LRP8: variants seen among roughly 807,000 people sequenced by gnomAD.
LRP8 encodes LDL receptor related protein 8.
LRP8 carries 46 observed loss-of-function variants against 111.6 expected under a neutral mutation model. The ratio of observed to expected loss-of-function variants is 0.41; its 90% confidence interval spans 0.33 to 0.53. The LOEUF is 0.53. Ranked by LOEUF, LRP8 falls within the 20% of genes least tolerant of loss-of-function variation. The pLI is 0.20. For synonymous variants in LRP8, 464 were observed against 511.2 expected, an observed-to-expected ratio of 0.91 and a Z score of 1.24; for missense variants, 959 against 1,297.4, an observed-to-expected ratio of 0.74 and a Z score of 4.01.
chr1:53,253,870 C>G (rs1645980931), intron 16 of LRP8, among the ~76,000 whole-genome samples: 1 of 152,194 alleles, frequency 6.6e-6, no homozygotes, highest in Non-Finnish European at 1.5e-5. Context: ...CAACATGCCC[C>G]TATCATAGCA....
chr1:53,269,058 G>C (rs900234922), intron 8 of LRP8, among the ~76,000 whole-genome samples: 11 of 152,186 alleles, frequency 7.2e-5, no homozygotes, highest in Non-Finnish European at 8.8e-5. Flanking sequence ...CCCCCAGTTA[G>C]AGTGAAATCC....
intron 15 of LRP8, among the ~76,000 whole-genome samples, chr1:53,256,312 CTG>C (rs1646085367): frequency 6.6e-6 from 1 of 152,242 alleles, no homozygotes; most frequent in Non-Finnish European, 1.5e-5. Context: ...CCAGAGCTAA[CTG>C]TGTCCTCCCT....
chr1:53,314,066 G>A (rs745483522), intron 2 of LRP8, among the ~76,000 whole-genome samples: 9 of 152,160 alleles, frequency 5.9e-5, no homozygotes, highest in Non-Finnish European at 1.2e-4. Context: ...GGAAGGAAGA[G>A]AGGGGTTGTG....
At position 53,323,393 on chromosome 1, in the gene LRP8, G is replaced by A. The variant is rs556653931; in HGVS notation, c.244+3480C>T. Among the ~76,000 whole-genome samples, 15 of 152,382 alleles carry A rather than the reference G, an allele frequency of 9.8e-5. No individual in the cohort carries two copies. The East Asian group carries it at 2.5e-3, about 25-fold the overall frequency. ...AAGTGCCCAGACAGCGTTCATCGGC[G>A]CTATGGTTACTGTTGTGACTCTGGG... On this transcript the variant is annotated intron_variant, in intron 2 of 18. Coordinates refer to ENST00000306052, the MANE Select transcript of LRP8 (RefSeq NM_004631.5).
In LRP8 at chr1:53,271,246, C is replaced by T; in HGVS notation, c.1107G>A (p.Leu369=). 6.2e-7 allele frequency: 1 copy of T among 1,613,904 alleles called. No homozygotes were observed. The highest frequency in any genetic ancestry group is 8.5e-7 in the Non-Finnish European group (1 of 1,180,004). Residue 369 remains leucine (L), a synonymous_variant, in exon 7 of 19, where the codon CTG becomes CTA. Transcript: ENST00000306052. ...ECTCPAGFQL[L]DQKTCGDIDE... ...TCTCACCGCCACAGGTCTTCTGGTC[C>T]AGGAGCTGGAAGCCTGCTGGGCACG...
chr1:53,288,592 A>T (rs1366603658), intron 3 of LRP8, among the ~76,000 whole-genome samples: 3 of 151,888 alleles, frequency 2.0e-5, no homozygotes, highest in African/African-American at 7.3e-5. Context: ...TGTTGCTAGG[A>T]GACAAGGAAA....
chr1:53,305,857 G>A (rs909589245), intron 2 of LRP8: 13 of 152,466 alleles, frequency 8.5e-5, no homozygotes, highest in East Asian at 1.9e-4. Context: ...CAGGAGAGGC[G>A]CTGAGGAGGA....
intron 2 of LRP8, among the ~76,000 whole-genome samples, chr1:53,299,004 G>A (rs1650288640): frequency 6.6e-6 from 1 of 152,242 alleles, no homozygotes; most frequent in South Asian, 2.1e-4. Context: ...ACTGTAAGTG[G>A]GAAGCTCAGG....
intron 2 of LRP8, among the ~76,000 whole-genome samples, chr1:53,323,543 C>T (rs890422419): frequency 3.3e-5 from 5 of 152,264 alleles, no homozygotes; most frequent in African/African-American, 4.8e-5. Flanking sequence ...GAATCCCACC[C>T]GACTTCCCCT....
intron 2 of LRP8, among the ~76,000 whole-genome samples, chr1:53,319,456 C>T (rs1047190394): frequency 1.3e-5 from 2 of 152,158 alleles, no homozygotes; most frequent in Non-Finnish European, 2.9e-5. Flanking sequence ...GCCCCACAGC[C>T]CTGGGCTCGC....
Position 53,317,466 on chromosome 1 carries a change from C to T in LRP8, c.244+9407G>A, listed in dbSNP as rs553012185. ...GATGAGATGGCTCCGACAGTCCCTCCCAGCCCGAGGAGCTGCTGTTCTCTC... is the reference window on the plus strand; with the variant it reads ...GATGAGATGGCTCCGACAGTCCCTCTCAGCCCGAGGAGCTGCTGTTCTCTC... On this transcript the variant is annotated intron_variant, in intron 2 of 18. Transcript: ENST00000306052. This position sits in a 1 kb window ranked among gnomAD's most constrained non-coding sequence, Gnocchi z 4.9. Among the ~76,000 whole-genome samples the T allele has an allele frequency of 6.6e-6, 1 of 152,340 alleles. No individual in the cohort carries two copies. Among genetic ancestry groups the T allele is most frequent in the Non-Finnish European group, 1.5e-5 (1 of 68,040 alleles).
intron 2 of LRP8, among the ~76,000 whole-genome samples, chr1:53,290,619 C>T (rs1031134198): frequency 6.6e-6 from 1 of 152,166 alleles, no homozygotes; most frequent in Non-Finnish European, 1.5e-5. Flanking sequence ...CCATCCCCAG[C>T]CCGGTTCTTT....
At position 53,249,361 on chromosome 1, in the gene LRP8, T is replaced by TA. The variant is rs766383363; in HGVS notation, c.2853+18dup. The TA allele has an allele frequency of 6.2e-7, 1 of 1,611,938 alleles. No individual in the cohort carries two copies. Among genetic ancestry groups the TA allele is most frequent in the Non-Finnish European group, 8.5e-7 (1 of 1,178,760 alleles). ...CCCTCACTCACCAGCCCCTCAGACT[T>TA]AGAGTGGCACTGCCCTACCTTGGAT... is the stretch of plus-strand genomic sequence containing the variant. On this transcript the variant is annotated intron_variant, in intron 18 of 18. Transcript: ENST00000306052. This position sits in a 1 kb window ranked among gnomAD's most constrained non-coding sequence, Gnocchi z 4.1.
intron 2 of LRP8, among the ~76,000 whole-genome samples, chr1:53,296,526 C>T (rs1013540316): frequency 5.3e-5 from 8 of 152,222 alleles, no homozygotes; most frequent in Non-Finnish European, 1.0e-4. Context: ...CGACAGAGCT[C>T]GCCATGCCCC....
At chr1:53,247,709 A>G (rs371681818) in intron 18 of LRP8, among the ~76,000 whole-genome samples, 2 of 152,314 alleles carry the variant, frequency 1.3e-5, no homozygotes, top group East Asian at 1.9e-4. Context: ...TCTTTCCTAT[A>G]TTAATGTGAA....
rs904974389 is a variant in LRP8, at chr1:53,279,194, C to T, written c.496+1393G>A. 1.2e-4 allele frequency among the ~76,000 whole-genome samples: 18 copies of T among 152,234 alleles called. No homozygotes were observed. The highest frequency in any genetic ancestry group is 2.6e-4 in the Non-Finnish European group (18 of 68,018). On this transcript the variant is annotated intron_variant, in intron 4 of 18. Transcript: ENST00000306052. This position sits in a 1 kb window ranked among gnomAD's most constrained non-coding sequence, Gnocchi z 4.4. ...CCTACGTAGGCCGAGAGACCCTACT[C>T]CTAGCACTCACAAACGGAAGAAGCT...
intron 2 of LRP8, among the ~76,000 whole-genome samples, chr1:53,316,069 G>C (rs1653756335): frequency 6.6e-6 from 1 of 152,198 alleles, no homozygotes; most frequent in Admixed American, 6.5e-5. Context: ...GAACCGACTG[G>C]CTCATGGAAC....
At chr1:53,304,583 T>A (rs996330089) in intron 2 of LRP8, 5 of 152,268 alleles carry the variant, frequency 3.3e-5, no homozygotes, top group Non-Finnish European at 5.9e-5. Flanking sequence ...AGGCCAACTG[T>A]GCGTGAGGGA....
rs1437285690 is a variant in LRP8, at chr1:53,257,227, CTCA to C, written c.2434+10_2434+12del. 1 of 1,613,402 alleles carries C rather than the reference CTCA, an allele frequency of 6.2e-7. No individual in the cohort carries two copies. The highest frequency in any genetic ancestry group is 8.5e-7 in the Non-Finnish European group (1 of 1,179,644). On this transcript the variant is annotated intron_variant, in intron 15 of 18. Coordinates refer to ENST00000306052, the MANE Select transcript of LRP8 (RefSeq NM_004631.5). The stretch of plus-strand genomic sequence containing the variant: ...TCCCATGTCATGAAAGAATGCAGAA[CTCA>C]TTTCCTTACAGTGCTGGGAGTGGTT...
Sources: allele counts gnomAD v4.1 joint callset (sites outside exome capture counted in the v4.1 genomes callset), GRCh38; gene constraint gnomAD v4.1.1; non-coding constraint Gnocchi (gnomAD v3.1); transcripts MANE v1.5; gene names NCBI Gene and HGNC (gene_info 2026-07-23, HGNC 2026-07-21).